Variants in NDEL1 observed in about 807,000 individuals in gnomAD.
The protein encoded by NDEL1 is nuclear distribution protein nudE-like 1.
Under a neutral mutation model 45.7 loss-of-function variants are expected in NDEL1, and 9 were observed. The ratio of observed to expected loss-of-function variants is 0.20; its 90% CI spans 0.12 to 0.34. NDEL1 has a LOEUF of 0.34. Among genes scored for constraint, NDEL1 ranks in the 10% least tolerant of loss-of-function variants. NDEL1 has a pLI of 1.00. For missense variants in NDEL1, 306 were observed against 406.2 expected, an observed-to-expected ratio of 0.75 and a Z score of 2.12; for synonymous variants, 133 against 158.6, an observed-to-expected ratio of 0.84 and a Z score of 1.21.
chr17:8,421,576 G>C (rs1908709468), intron 1 of NDEL1, among the ~76,000 whole-genome samples: 1 of 152,142 alleles, frequency 6.6e-6, no homozygotes, highest in South Asian at 2.1e-4. Flanking sequence ...CCGACACCTT[G>C]ATTTTAGCTC....
rs1275694508 is a variant in NDEL1, at chr17:8,414,387, G to T, written c.-13+1118G>T. On this transcript the variant is annotated intron_variant, in intron 1 of 4. Coordinates refer to the NDEL1 transcript ENST00000582812. ...TTCCCTTAAGAAATGTCGTACCATGGCCGGGCGCGGTGGCTCACGCCTGTA... is the reference window on the plus strand; with the variant it reads ...TTCCCTTAAGAAATGTCGTACCATGTCCGGGCGCGGTGGCTCACGCCTGTA... Among the ~76,000 whole-genome samples, 3 of 152,270 alleles carry T rather than the reference G, an allele frequency of 2.0e-5. No individual in the cohort carries two copies. In the East Asian group the frequency reaches 5.8e-4, roughly 29 times the overall value.
At chr17:8,446,369 T>C (rs1910078209) in intron 3 of NDEL1, among the ~76,000 whole-genome samples, 1 of 152,128 alleles carries the variant, frequency 6.6e-6, no homozygotes, top group Non-Finnish European at 1.5e-5. Context: ...ATTTAGTGTC[T>C]GGGGAGTGGG....
At chr17:8,468,273 T>TG (rs1911736376), downstream of NDEL1, 1 of 152,264 alleles carries the variant, frequency 6.6e-6, no homozygotes, top group African/African-American at 2.4e-5. Flanking sequence ...AGCTGTGGAA[T>TG]GGGACAGAGA....
rs540080550 is a variant in NDEL1 at position 8,429,515 on chromosome 17, G to A, written c.-12-14745G>A. ...GTATCAGGGAAGGCTTCCTGGAGGA[G>A]CTAGCATATGAGTGAGACTTCAAAA... On this transcript the variant is annotated intron_variant, in intron 1 of 4. Transcript: ENST00000582812. Among the ~76,000 whole-genome samples, 281 of 152,284 alleles carry A rather than the reference G, an allele frequency of 1.8e-3. 1 individual carries two copies. Among genetic ancestry groups the A allele is most frequent in the African/African-American group, 6.5e-3 (270 of 41,550 alleles).
At chr17:8,447,160 T>A (rs1399981841) in intron 4 of NDEL1, among the ~76,000 whole-genome samples, 3 of 152,252 alleles carry the variant, frequency 2.0e-5, no homozygotes, top group Non-Finnish European at 4.4e-5. Context: ...TTTTGTTTTT[T>A]GAGACAGGGT....
chr17:8,429,325 G>C (rs1194916625), intron 1 of NDEL1, among the ~76,000 whole-genome samples: 5 of 152,012 alleles, frequency 3.3e-5, no homozygotes, highest in African/African-American at 1.2e-4. Context: ...TGTTGCTGGG[G>C]ATATATTAAG....
downstream of NDEL1, among the ~76,000 whole-genome samples, chr17:8,469,861 A>ATTTTTTT (rs762773754): frequency 7.8e-5 from 10 of 128,652 alleles, no homozygotes; most frequent in Non-Finnish European, 9.6e-5. Context: ...TGCCTGGCTA[A>ATTTTTTT]TTTTTTTTTT....
rs374840633 is a variant in NDEL1, at chr17:8,438,939, C to CT, written c.-13+2909dup. On this transcript the variant is annotated intron_variant, in intron 1 of 8. Coordinates refer to ENST00000334527, the MANE Select transcript of NDEL1 (RefSeq NM_030808.5). ...CAAAGTAAGAAGTTTTTGCTTTGTT[C>CT]TTTTTTTTTTTTTTTGAAACGGAGT... is the stretch of plus-strand genomic sequence containing the variant. 1.2e-3 allele frequency among the ~76,000 whole-genome samples: 160 copies of CT among 135,908 alleles called. 2 individuals are homozygous for CT. The highest frequency in any genetic ancestry group is 1.8e-3 in the African/African-American group (65 of 37,040). The allele number at this position is 135,908 out of a possible 152,430, so 89.2% of individuals were successfully genotyped here. A position where few individuals can be genotyped will look rare whatever the true frequency, so the allele number is the denominator to read the frequency against.
chr17:8,463,179 C>T (rs1047845863), intron 8 of NDEL1: 2 of 570,520 alleles, frequency 3.5e-6, no homozygotes, highest in Admixed American at 3.5e-5. Flanking sequence ...TATGTAGTTT[C>T]TTAGGTAACA....
downstream of NDEL1, among the ~76,000 whole-genome samples, chr17:8,468,996 T>C (rs1911765408): frequency 6.7e-6 from 1 of 150,280 alleles, no homozygotes; most frequent in African/African-American, 2.5e-5. Flanking sequence ...AGAGCTAGAC[T>C]CTGTCTCAAG....
intron 1 of NDEL1, among the ~76,000 whole-genome samples, chr17:8,428,174 G>T (rs1908886313): frequency 6.6e-6 from 1 of 152,054 alleles, no homozygotes; most frequent in African/African-American, 2.4e-5. Context: ...TATTGGGTAG[G>T]GGTTGGGGGT....
At chr17:8,435,741 T>C (rs546306763), upstream of NDEL1, 13 of 338,250 alleles carry the variant, frequency 3.8e-5, no homozygotes, top group Non-Finnish European at 6.4e-5. Context: ...GAGGACGCCG[T>C]CAGCTTGGCG....
intron 1 of NDEL1, among the ~76,000 whole-genome samples, chr17:8,425,682 C>T (rs1481615286): frequency 3.3e-5 from 5 of 151,962 alleles, no homozygotes; most frequent in Non-Finnish European, 5.9e-5. Context: ...AAGTCATGGC[C>T]GCTGCCCTAG....
intron 1 of NDEL1, among the ~76,000 whole-genome samples, chr17:8,417,311 G>T (rs1908567447): frequency 6.6e-6 from 1 of 151,828 alleles, no homozygotes; most frequent in South Asian, 2.1e-4. Flanking sequence ...CAAGAGATCT[G>T]CCCACCTTGG....
chr17:8,472,295 GAT>G (rs1911858977), downstream of NDEL1, among the ~76,000 whole-genome samples: 1 of 152,160 alleles, frequency 6.6e-6, no homozygotes, highest in African/African-American at 2.4e-5. Context: ...GTGACACAAA[GAT>G]GTGACAAATC....
intron 4 of NDEL1, among the ~76,000 whole-genome samples, chr17:8,448,007 A>G (rs1910205068): frequency 6.6e-6 from 1 of 152,000 alleles, no homozygotes; most frequent in African/African-American, 2.4e-5. Context: ...GGGGGAACCA[A>G]TCAGAGGCTG....
intron 1 of NDEL1, among the ~76,000 whole-genome samples, chr17:8,436,917 T>G (rs1394852520): frequency 6.6e-6 from 1 of 152,196 alleles, no homozygotes; most frequent in Non-Finnish European, 1.5e-5. Flanking sequence ...TAATTTACAT[T>G]TCTAGGCTCG....
chr17:8,424,009 T>G (rs1280330014), intron 1 of NDEL1, among the ~76,000 whole-genome samples: 1 of 152,238 alleles, frequency 6.6e-6, no homozygotes, highest in Admixed American at 6.5e-5. Context: ...GCATCCTTAT[T>G]TTTTAAACTT....
chr17:8,422,345 A>G (rs912399717), intron 1 of NDEL1, among the ~76,000 whole-genome samples: 1 of 151,806 alleles, frequency 6.6e-6, no homozygotes, highest in Admixed American at 6.6e-5. Context: ...GTCTCGCTCT[A>G]TTGCCCAGGC....
Sources: allele counts gnomAD v4.1 joint callset (sites outside exome capture counted in the v4.1 genomes callset), GRCh38; gene constraint gnomAD v4.1.1; transcripts MANE v1.5; gene names NCBI Gene and HGNC (gene_info 2026-07-23, HGNC 2026-07-21).